Variants in DTNB observed in about 807,000 individuals in gnomAD.
DTNB encodes dystrobrevin beta, also known as DTN-B.
DTNB carries 63 observed loss-of-function variants against 90.7 expected under a neutral mutation model. The observed-to-expected ratio is 0.69, with a 90% CI of 0.57 to 0.86. DTNB has a LOEUF of 0.86. DTNB is among the 40% of genes least tolerant of loss of function. DTNB has a pLI of 0.00. For missense variants in DTNB, 744 were observed against 807.1 expected (o/e 0.92, Z 0.95); for synonymous variants, 277 against 286.7 (o/e 0.97, Z 0.34).
In DTNB at chr2:25,591,376, C is replaced by T. The variant is rs1559152208; in HGVS notation, c.603+4710G>A. On this transcript the variant is annotated intron_variant, in intron 6 of 20. Coordinates refer to ENST00000406818, the MANE Select transcript of DTNB (RefSeq NM_021907.5). Reference sequence around the variant, plus strand: ...TCTATGGAGCATGCAGCCCCAGCCACGCCTCCCCCAGTGCAGCCAGCATCG... The same window carrying T: ...TCTATGGAGCATGCAGCCCCAGCCATGCCTCCCCCAGTGCAGCCAGCATCG... Among the ~76,000 whole-genome samples the T allele has an allele frequency of 7.2e-5, 11 of 152,326 alleles. No homozygotes were observed. In the South Asian group the frequency reaches 2.3e-3, roughly 32 times the overall value.
intron 1 of DTNB, among the ~76,000 whole-genome samples, chr2:25,666,573 T>C (rs2084497664): frequency 6.6e-6 from 1 of 152,210 alleles, no homozygotes; most frequent in South Asian, 2.1e-4. Context: ...AATTAAATCT[T>C]CTAGAAAGTG....
intron 2 of DTNB, among the ~76,000 whole-genome samples, chr2:25,651,180 G>A (rs910642979): frequency 6.6e-6 from 1 of 152,212 alleles, no homozygotes; most frequent in African/African-American, 2.4e-5. Context: ...GTATGTGAGT[G>A]CCAGGCACTG....
chr2:25,589,370 T>TC (rs1559143460), intron 6 of DTNB, among the ~76,000 whole-genome samples: 6 of 73,702 alleles, frequency 8.1e-5, no homozygotes, highest in Non-Finnish European at 1.3e-4. Context: ...TTCTTTTCTT[T>TC]TTTTTTTTTT....
intron 9 of DTNB, among the ~76,000 whole-genome samples, chr2:25,531,079 T>C (rs1429172371): frequency 2.6e-5 from 4 of 152,240 alleles, no homozygotes; most frequent in Non-Finnish European, 5.9e-5. Context: ...GCAAATTAAG[T>C]TGATTTTCAT....
intron 9 of DTNB, among the ~76,000 whole-genome samples, chr2:25,512,582 T>C (rs570905854): frequency 2.0e-4 from 30 of 152,182 alleles, no homozygotes; most frequent in Non-Finnish European, 3.8e-4. Context: ...TATTGGATGA[T>C]CAAATGACTG....
intron 12 of DTNB, among the ~76,000 whole-genome samples, chr2:25,447,484 C>T (rs1026056989): frequency 6.7e-6 from 1 of 149,810 alleles, no homozygotes; most frequent in Non-Finnish European, 1.5e-5. Context: ...TTTCTGTGTG[C>T]TGGCAGCTAG....
At chr2:25,543,300 T>A (rs577273752) in intron 8 of DTNB, among the ~76,000 whole-genome samples, 1 of 144,560 alleles carries the variant, frequency 6.9e-6, no homozygotes, top group East Asian at 2.2e-4. Flanking sequence ...AGGTTTTTTT[T>A]GTTTTGTTTT....
intron 9 of DTNB, among the ~76,000 whole-genome samples, chr2:25,515,821 C>T (rs554024195): frequency 1.3e-5 from 2 of 152,216 alleles, no homozygotes; most frequent in Admixed American, 1.3e-4. Context: ...AGCTGATCCA[C>T]CTGCCTCGGC....
chr2:25,645,309 G>T (rs367828744), intron 2 of DTNB, among the ~76,000 whole-genome samples: 1 of 146,110 alleles, frequency 6.8e-6, no homozygotes, highest in African/African-American at 2.5e-5. Context: ...CTTGAGCTGA[G>T]ATTGAGCCAT....
At chr2:25,608,482 G>C (rs1474168411) in intron 4 of DTNB, among the ~76,000 whole-genome samples, 3 of 152,186 alleles carry the variant, frequency 2.0e-5, no homozygotes, top group Non-Finnish European at 1.5e-5. Context: ...GCTAAAATTA[G>C]AATGGGGTTT....
chr2:25,479,945 G>A (rs1043938287), intron 10 of DTNB, among the ~76,000 whole-genome samples: 1 of 152,142 alleles, frequency 6.6e-6, no homozygotes, highest in African/African-American at 2.4e-5. Flanking sequence ...CTGGCAAGAC[G>A]TGCTGGGCTC....
intron 14 of DTNB, among the ~76,000 whole-genome samples, chr2:25,429,180 T>C (rs2052992400): frequency 6.6e-6 from 1 of 152,246 alleles, no homozygotes; most frequent in South Asian, 2.1e-4. Context: ...AGTATCTGGA[T>C]CATGTTTTAA....
At chr2:25,461,478 A>C (rs1574767914) in intron 10 of DTNB, among the ~76,000 whole-genome samples, 1 of 152,368 alleles carries the variant, frequency 6.6e-6, no homozygotes, top group South Asian at 2.1e-4. Context: ...CCAACTAACA[A>C]ACAAGGTTTG....
At chr2:25,468,574 G>A (rs1574850223) in intron 10 of DTNB, among the ~76,000 whole-genome samples, 1 of 152,086 alleles carries the variant, frequency 6.6e-6, no homozygotes, top group Non-Finnish European at 1.5e-5. Flanking sequence ...TCTGACAAGG[G>A]GTCAACACGA....
intron 15 of DTNB, among the ~76,000 whole-genome samples, chr2:25,422,930 C>T (rs1173765518): frequency 6.6e-6 from 1 of 152,156 alleles, no homozygotes; most frequent in Admixed American, 6.6e-5. Flanking sequence ...GGGTGGCTCA[C>T]GCCTGTAATC....
intron 1 of DTNB, among the ~76,000 whole-genome samples, chr2:25,658,256 CAA>C (rs896773539): frequency 3.1e-4 from 20 of 65,282 alleles, no homozygotes; most frequent in African/African-American, 2.3e-4. Context: ...GACTCCATCT[CAA>C]AAAAAAAAAA....
chr2:25,487,775 A>C (rs1318200452), intron 9 of DTNB, among the ~76,000 whole-genome samples: 1 of 152,228 alleles, frequency 6.6e-6, no homozygotes, highest in Non-Finnish European at 1.5e-5. Flanking sequence ...ACTGGGTCTA[A>C]TTTATTTGTT....
At chr2:25,604,213 C>A (rs554806810) in intron 5 of DTNB, among the ~76,000 whole-genome samples, 1 of 151,768 alleles carries the variant, frequency 6.6e-6, no homozygotes, top group Non-Finnish European at 1.5e-5. Context: ...CCAACAACAA[C>A]AAAAAACTCA....
intron 9 of DTNB, among the ~76,000 whole-genome samples, chr2:25,504,691 G>A (rs1238790433): frequency 1.3e-5 from 2 of 152,192 alleles, no homozygotes; most frequent in Non-Finnish European, 2.9e-5. Context: ...CTTGTATACT[G>A]AAAATTATAA....
Sources: gnomAD v4.1 joint callset for allele counts (sites outside exome capture counted in the v4.1 genomes callset) on GRCh38, gnomAD v4.1.1 for gene constraint, MANE v1.5 for transcripts, NCBI Gene and HGNC (gene_info 2026-07-23, HGNC 2026-07-21) for gene names.